Variants in OSBPL2 observed in about 807,000 individuals in gnomAD.
The protein encoded by OSBPL2 is oxysterol binding protein like 2.
In OSBPL2, 18 loss-of-function variants were observed where a neutral mutation model predicts 58.4. The observed-to-expected ratio is 0.31, with a 90% CI of 0.21 to 0.46. OSBPL2 has a LOEUF of 0.46. Among genes scored for constraint, OSBPL2 ranks in the 20% least tolerant of loss-of-function variants. The probability of loss-of-function intolerance (pLI) is 1.00; values close to 1 mark genes in which losing one functional copy is unlikely to be tolerated. For synonymous variants in OSBPL2, 221 were observed against 234.1 expected, an observed-to-expected ratio of 0.94 and a Z score of 0.51; for missense variants, 461 against 616.5, an observed-to-expected ratio of 0.75 and a Z score of 2.67.
At chr20:62,284,923 G>C (rs1983017894) in intron 10 of OSBPL2, 1 of 152,186 alleles carries the variant, frequency 6.6e-6, no homozygotes, top group African/African-American at 2.4e-5. Flanking sequence ...TTTTAGTTGT[G>C]AGTACCAGAT....
chr20:62,248,408 G>T (rs1409172618), intron 1 of OSBPL2, among the ~76,000 whole-genome samples: 1 of 151,958 alleles, frequency 6.6e-6, no homozygotes. Context: ...CGTCCACCTC[G>T]GCCTCCCAAA....
At chr20:62,257,609 C>A (rs1981011925) in intron 2 of OSBPL2, among the ~76,000 whole-genome samples, 1 of 152,116 alleles carries the variant, frequency 6.6e-6, no homozygotes, top group Non-Finnish European at 1.5e-5. Context: ...CCACGTCTGT[C>A]ACAGAGAGCG....
intron 4 of OSBPL2, among the ~76,000 whole-genome samples, chr20:62,267,529 G>A (rs1426440415): frequency 1.3e-5 from 2 of 152,130 alleles, no homozygotes; most frequent in South Asian, 2.1e-4. Context: ...GACCACAGCC[G>A]GGCTCTCAGG....
rs903314045 is a variant in OSBPL2, at chr20:62,243,757, C to T, written c.-129+5160C>T. On this transcript the variant is annotated intron_variant, in intron 1 of 13. Coordinates refer to ENST00000313733, the MANE Select transcript of OSBPL2 (RefSeq NM_144498.4). The stretch of plus-strand genomic sequence containing the variant: ...AGGACCCTTTTTTAGATCAAGGACC[C>T]CTTTGAGAACTTCATGAATATGAAT... 7.2e-5 allele frequency among the ~76,000 whole-genome samples: 11 copies of T among 151,844 alleles called. No homozygotes were observed. In the East Asian group the frequency reaches 2.1e-3, roughly 29 times the overall value.
intron 1 of OSBPL2, among the ~76,000 whole-genome samples, chr20:62,254,333 G>A (rs1018602884): frequency 6.6e-6 from 1 of 152,234 alleles, no homozygotes; most frequent in Admixed American, 6.5e-5. Flanking sequence ...ATTCAGCCGC[G>A]TCTCCTCAGG....
At chr20:62,267,528 C>T (rs1023345358) in intron 4 of OSBPL2, among the ~76,000 whole-genome samples, 1 of 152,094 alleles carries the variant, frequency 6.6e-6, no homozygotes, top group African/African-American at 2.4e-5. Context: ...GGACCACAGC[C>T]GGGCTCTCAG....
At chr20:62,252,113 G>A (rs1463889390) in intron 1 of OSBPL2, among the ~76,000 whole-genome samples, 2 of 150,218 alleles carry the variant, frequency 1.3e-5, no homozygotes, top group Non-Finnish European at 3.0e-5. Flanking sequence ...CCAACCCCTG[G>A]GCTCAAGCGA....
In OSBPL2 at chr20:62,286,386, G is replaced by A; in HGVS notation, c.997-197G>A. The A allele has an allele frequency of 5.5e-6, 3 of 549,414 alleles. No homozygotes were observed. The South Asian group carries it at 6.3e-5, about 11-fold the overall frequency. 34.0% of individuals were successfully genotyped at this position (549,414 alleles called of 1,614,324 possible). ...AATCTCTTGAACTCAGGAGGCAGAG[G>A]TTGCAGTGACCCGAGATCGCACCAT... On this transcript the variant is annotated intron_variant, in intron 10 of 13. Coordinates refer to ENST00000313733, the MANE Select transcript of OSBPL2 (RefSeq NM_144498.4).
chr20:62,257,935 G>C (rs1205716085), intron 2 of OSBPL2, among the ~76,000 whole-genome samples: 1 of 152,052 alleles, frequency 6.6e-6, no homozygotes, highest in Non-Finnish European at 1.5e-5. Flanking sequence ...GGCTGGTCTC[G>C]AACTCCTGAC....
chr20:62,255,018 A>G (rs1342222757), intron 1 of OSBPL2: 1 of 152,138 alleles, frequency 6.6e-6, no homozygotes, highest in African/African-American at 2.4e-5. Context: ...ATTTTCAGCA[A>G]AACTTCCAGA....
intron 4 of OSBPL2, among the ~76,000 whole-genome samples, chr20:62,265,707 TTTCTG>T (rs1415383481): frequency 2.6e-5 from 4 of 152,262 alleles, no homozygotes; most frequent in Non-Finnish European, 5.9e-5. Flanking sequence ...TTTTTTCTCT[TTTCTG>T]CAATGTTTTT....
chr20:62,272,144 T>C lies in OSBPL2; in HGVS notation c.278T>C (p.Met93Thr), dbSNP rs952970865. Residue 93 changes from methionine (M) to threonine (T), a missense_variant, in exon 5 of 14, where the codon ATG becomes ACG. By Grantham distance (81) the Met-to-Thr change is moderately conservative (BLOSUM62 -1). Around this residue, in one of 5 missense-constraint regions of OSBPL2, gnomAD observed 38 missense variants for 74.2 expected, o/e 0.51. Coordinates refer to ENST00000313733, the MANE Select transcript of OSBPL2 (RefSeq NM_144498.4). Reference sequence around the variant, plus strand: ...TTCCAGGAGCTGTCCAAGATCACGATGCCAATCGCCTTCAACGAGCCTCTG... The same window carrying C: ...TTCCAGGAGCTGTCCAAGATCACGACGCCAATCGCCTTCAACGAGCCTCTG... ...CVGLELSKIT[M>T]PIAFNEPLSF... 6.2e-7 allele frequency: 1 copy of C among 1,613,828 alleles called. No individual in the cohort carries two copies. The highest frequency in any genetic ancestry group is 8.5e-7 in the Non-Finnish European group (1 of 1,179,968).
At chr20:62,243,817 G>A (rs912047317) in intron 1 of OSBPL2, among the ~76,000 whole-genome samples, 6 of 149,810 alleles carry the variant, frequency 4.0e-5, no homozygotes, top group African/African-American at 1.5e-4. Flanking sequence ...AAAAATGAAC[G>A]AAAAATTTTT....
intron 7 of OSBPL2, 33 bp downstream of exon 7, chr20:62,279,372 TCCTG>T (rs1982631169): frequency 1.2e-6 from 2 of 1,602,288 alleles, no homozygotes; most frequent in Non-Finnish European, 1.7e-6. Context: ...GAGATCCGCT[TCCTG>T]CAGAAACTGA....
intron 3 of OSBPL2, among the ~76,000 whole-genome samples, chr20:62,263,292 G>A (rs560824869): frequency 6.6e-6 from 1 of 152,298 alleles, no homozygotes; most frequent in Admixed American, 6.5e-5. Flanking sequence ...CCCCCAGAAG[G>A]CTGTGGGCTC....
chr20:62,265,043 A>G (rs902910544), intron 4 of OSBPL2, among the ~76,000 whole-genome samples: 43 of 152,132 alleles, frequency 2.8e-4, no homozygotes, highest in African/African-American at 2.2e-4. Flanking sequence ...CTCCACTGCA[A>G]AGTTGCTGCA....
In OSBPL2 at chr20:62,269,186, G is replaced by C. The variant is rs964377073; in HGVS notation, c.259-2939G>C. Among the ~76,000 whole-genome samples the C allele has an allele frequency of 2.0e-5, 3 of 152,344 alleles. No homozygotes were observed. Among genetic ancestry groups the C allele is most frequent in the Middle Eastern group, 3.4e-3 (1 of 294 alleles). ...CAAAGTGTTGGAATTACAGGCGTGA[G>C]CCATCTCGCCTGGCCGACTTCTGAA... is the stretch of plus-strand genomic sequence containing the variant. On this transcript the variant is annotated intron_variant, in intron 4 of 13. Coordinates refer to ENST00000313733, the MANE Select transcript of OSBPL2 (RefSeq NM_144498.4). This position sits in a 1 kb window ranked among gnomAD's most constrained non-coding sequence, Gnocchi z 4.2.
intron 3 of OSBPL2, 59 bp from the exon 4 acceptor site, chr20:62,263,557 T>C: frequency 7.7e-7 from 1 of 1,290,366 alleles, no homozygotes; most frequent in Non-Finnish European, 1.1e-6. Flanking sequence ...CACAGCCTCC[T>C]TGAGTGGTCA....
intron 4 of OSBPL2, among the ~76,000 whole-genome samples, chr20:62,268,972 G>A (rs1981876854): frequency 6.6e-6 from 1 of 152,006 alleles, no homozygotes; most frequent in East Asian, 1.9e-4. Context: ...CAGGCGAATC[G>A]CTTGAACCCA....
Sources: allele counts gnomAD v4.1 joint callset (sites outside exome capture counted in the v4.1 genomes callset), GRCh38; gene constraint gnomAD v4.1.1; regional missense constraint gnomAD v4.1.1; non-coding constraint Gnocchi (gnomAD v3.1); transcripts MANE v1.5; gene names NCBI Gene and HGNC (gene_info 2026-07-23, HGNC 2026-07-21).